The following DISC1 variants were observed in gnomAD, a reference collection of about 807,000 sequenced individuals.
DISC1 encodes DISC1 scaffold protein.
Under a neutral mutation model 84.5 loss-of-function variants are expected in DISC1, and 57 were observed. That is an observed-to-expected ratio of 0.67 (90% confidence interval 0.55 to 0.84). The LOEUF (loss-of-function observed/expected upper bound fraction) is 0.84, where lower values mean the gene tolerates loss of function less well. DISC1 is among the 40% of genes least tolerant of loss of function. The pLI is 0.00. For synonymous variants in DISC1, 411 were observed against 415.2 expected, an observed-to-expected ratio of 0.99 and a Z score of 0.12; for missense variants, 1,000 against 1,057.8, an observed-to-expected ratio of 0.95 and a Z score of 0.76.
Position 231,826,481 on chromosome 1 carries a change from G to A in DISC1, c.1981+7964G>A, listed in dbSNP as rs538235704. ...TTTTCAAGCACCCTCCCTATATTTT[G>A]TGCCTGAGATGATGATCCACTATCT... On this transcript the variant is annotated intron_variant, in intron 9 of 12. Transcript: ENST00000439617. This position sits in a 1 kb window ranked among gnomAD's most constrained non-coding sequence, Gnocchi z 4.2. Among the ~76,000 whole-genome samples the A allele has an allele frequency of 6.6e-6, 1 of 151,876 alleles. No individual in the cohort carries two copies. Among genetic ancestry groups the A allele is most frequent in the Admixed American group, 6.6e-5 (1 of 15,252 alleles).
intron 3 of DISC1, among the ~76,000 whole-genome samples, chr1:231,733,758 AGT>A (rs2072022116): frequency 9.1e-6 from 1 of 110,082 alleles, no homozygotes; most frequent in Non-Finnish European, 2.0e-5. Context: ...TGCCATGAGT[AGT>A]GGTGGTAGTG....
chr1:231,717,728 A>G (rs2068958584), intron 3 of DISC1, among the ~76,000 whole-genome samples: 2 of 152,188 alleles, frequency 1.3e-5, no homozygotes, highest in African/African-American at 4.8e-5. Flanking sequence ...TATGTGTTGT[A>G]TGAACGCATC....
Position 231,640,519 on chromosome 1 carries a change from C to A in DISC1, c.67+13585C>A, listed in dbSNP as rs182416678. On this transcript the variant is annotated intron_variant, in intron 1 of 12. Coordinates refer to ENST00000439617, the MANE Select transcript of DISC1 (RefSeq NM_018662.3). The stretch of plus-strand genomic sequence containing the variant: ...TTCCAAAACTGTGGGCTCACCAGAC[C>A]TCCTTGGTATTTTTTTTTTTTTTTT... Among the ~76,000 whole-genome samples, 336 of 147,052 alleles carry A rather than the reference C, an allele frequency of 2.3e-3. 1 individual carries two copies. The highest frequency in any genetic ancestry group is 7.9e-3 in the African/African-American group (313 of 39,736).
At chr1:231,859,813 C>G (rs1027318001) in intron 9 of DISC1, among the ~76,000 whole-genome samples, 1 of 152,124 alleles carries the variant, frequency 6.6e-6, no homozygotes, top group African/African-American at 2.4e-5. Flanking sequence ...AGTAAGGAAG[C>G]CTGGGCTCTT....
At chr1:231,817,386 C>T (rs893709836) in intron 8 of DISC1, among the ~76,000 whole-genome samples, 2 of 152,160 alleles carry the variant, frequency 1.3e-5, no homozygotes, top group African/African-American at 2.4e-5. Context: ...GCCCAGCTCA[C>T]TCTTAGACGT....
chr1:231,996,497 T>C (rs1159796943), intron 10 of DISC1, among the ~76,000 whole-genome samples: 1 of 152,198 alleles, frequency 6.6e-6, no homozygotes, highest in Non-Finnish European at 1.5e-5. Context: ...TTTCAAAGCT[T>C]CCAAGAAATG....
chr1:231,988,135 G>A (rs562563333), intron 10 of DISC1, among the ~76,000 whole-genome samples: 5 of 152,226 alleles, frequency 3.3e-5, no homozygotes, highest in South Asian at 2.1e-4. Flanking sequence ...ACAGCGAGCC[G>A]AGATCGCGCC....
intron 9 of DISC1, among the ~76,000 whole-genome samples, chr1:231,912,079 T>G (rs1219546088): frequency 5.3e-5 from 8 of 152,182 alleles, no homozygotes. Context: ...TCGTCTAATG[T>G]TTTTTCAAGG....
intron 3 of DISC1, chr1:231,745,497 C>A: frequency 4.3e-6 from 1 of 230,874 alleles, no homozygotes; most frequent in Non-Finnish European, 9.5e-6. Context: ...GCTGGGATTA[C>A]AGGTATGAGC....
chr1:231,759,379 A>G (rs1009443977), intron 4 of DISC1, among the ~76,000 whole-genome samples: 1 of 152,176 alleles, frequency 6.6e-6, no homozygotes, highest in Non-Finnish European at 1.5e-5. Context: ...TGAGATGGCT[A>G]TGATACAACA....
intron 3 of DISC1, chr1:231,702,279 A>G (rs1397293623): frequency 1.9e-5 from 22 of 1,173,904 alleles, no homozygotes; most frequent in Non-Finnish European, 2.0e-5. Flanking sequence ...CACACAATAA[A>G]AATTATATTA....
chr1:231,863,324 A>G (rs1210268242), intron 9 of DISC1, among the ~76,000 whole-genome samples: 1 of 135,224 alleles, frequency 7.4e-6, no homozygotes, highest in East Asian at 2.2e-4. Context: ...TCTGCCTCCC[A>G]GGTTTAAGCA....
At chr1:231,932,789 T>C (rs1354595729) in intron 9 of DISC1, among the ~76,000 whole-genome samples, 1 of 152,188 alleles carries the variant, frequency 6.6e-6, no homozygotes, top group African/African-American at 2.4e-5. Context: ...AATTGAATAA[T>C]GTATCCTGTA....
intron 11 of DISC1, among the ~76,000 whole-genome samples, chr1:232,017,480 C>CTTTTTT (rs56672398): frequency 1.5e-5 from 2 of 132,818 alleles, no homozygotes; most frequent in Non-Finnish European, 3.2e-5. Flanking sequence ...AACACCTGTC[C>CTTTTTT]TTTTTTTTTT....
At chr1:231,706,129 A>T (rs1384740466) in intron 3 of DISC1, among the ~76,000 whole-genome samples, 1 of 152,204 alleles carries the variant, frequency 6.6e-6, no homozygotes. Flanking sequence ...AGTAAAGTTA[A>T]TATTTCCTTA....
chr1:231,779,489 T>C (rs866453330), intron 6 of DISC1, among the ~76,000 whole-genome samples: 4 of 151,670 alleles, frequency 2.6e-5, no homozygotes, highest in Admixed American at 2.0e-4. Context: ...ACCACCTTCA[T>C]GAATATTCAT....
intron 3 of DISC1, among the ~76,000 whole-genome samples, chr1:231,729,124 G>A (rs1004927870): frequency 6.6e-6 from 1 of 152,138 alleles, no homozygotes; most frequent in African/African-American, 2.4e-5. Flanking sequence ...AGTTTGCTGA[G>A]AATGATGGTT....
rs1009945793 is a variant in DISC1 at position 231,771,121 on chromosome 1, T to C, written c.1634+51T>C. On this transcript the variant is annotated intron_variant, in intron 6 of 12. Transcript: ENST00000439617. The stretch of plus-strand genomic sequence containing the variant: ...TGGGTCGCTCGCCTCTTTGACCTGT[T>C]CATTGGAATGATTTTGTCTGCTGTC... The C allele has an allele frequency of 4.7e-6, 7 of 1,499,914 alleles. No homozygotes were observed. The African/African-American group carries it at 7.0e-5, about 15-fold the overall frequency. 92.9% of individuals were successfully genotyped at this position (1,499,914 alleles called of 1,614,324 possible).
intron 4 of DISC1, among the ~76,000 whole-genome samples, chr1:231,766,164 C>T (rs1270404468): frequency 6.6e-6 from 1 of 151,874 alleles, no homozygotes; most frequent in African/African-American, 2.4e-5. Context: ...GTGGCACACG[C>T]CTGTAGTCCC....
Sources: gnomAD v4.1 joint callset for allele counts (sites outside exome capture counted in the v4.1 genomes callset) on GRCh38, gnomAD v4.1.1 for gene constraint, Gnocchi (gnomAD v3.1) non-coding constraint, MANE v1.5 for transcripts, NCBI Gene and HGNC (gene_info 2026-07-23, HGNC 2026-07-21) for gene names.